The following USP43 variants were observed in gnomAD, a reference collection of about 807,000 sequenced individuals.
The protein encoded by USP43 is ubiquitin specific peptidase 43.
A neutral mutation model predicts 90.7 loss-of-function variants in USP43; 33 were observed. The observed-to-expected ratio is 0.36, with a 90% CI of 0.28 to 0.49. The LOEUF (loss-of-function observed/expected upper bound fraction) is 0.49. USP43 is among the 20% of genes least tolerant of loss of function. The pLI is 0.98. For missense variants in USP43, 1,274 were observed against 1,476.4 expected (o/e 0.86, Z 2.25); for synonymous variants, 598 against 615.8 (o/e 0.97, Z 0.43).
At chr17:9,703,392 C>T (rs1380622342) in intron 12 of USP43, among the ~76,000 whole-genome samples, 1 of 152,178 alleles carries the variant, frequency 6.6e-6, no homozygotes, top group Non-Finnish European at 1.5e-5. Flanking sequence ...GCGTGAGAAG[C>T]GTTGGCATCT....
chr17:9,716,037 A>G (rs76285421), intron 14 of USP43, among the ~76,000 whole-genome samples: 25,588 of 148,560 alleles, frequency 0.17, 4,046 homozygotes, highest in African/African-American at 0.43. Flanking sequence ...GTATGTGAGA[A>G]TGTGTTTGTG....
intron 13 of USP43, among the ~76,000 whole-genome samples, chr17:9,710,850 G>A (rs912900979): frequency 1.3e-5 from 2 of 151,852 alleles, no homozygotes; most frequent in Non-Finnish European, 2.9e-5. Flanking sequence ...GAGAAAGAAA[G>A]TGCCAAAGCT....
intron 12 of USP43, among the ~76,000 whole-genome samples, chr17:9,704,563 T>A (rs765234046): frequency 6.6e-6 from 1 of 152,156 alleles, no homozygotes; most frequent in African/African-American, 2.4e-5. Context: ...ATGATCTGCC[T>A]TCCTCGGCCT....
chr17:9,675,635 C>G (rs1913719827), intron 4 of USP43, among the ~76,000 whole-genome samples: 1 of 152,080 alleles, frequency 6.6e-6, no homozygotes, highest in Non-Finnish European at 1.5e-5. Flanking sequence ...CCTTAAGTGC[C>G]ATTTCTCTTA....
intron 3 of USP43, among the ~76,000 whole-genome samples, chr17:9,667,584 C>T (rs1473274242): frequency 2.0e-5 from 3 of 152,068 alleles, no homozygotes; most frequent in Admixed American, 2.0e-4. Flanking sequence ...GGAGAAAACC[C>T]CATGGACTTC....
chr17:9,647,405 G>A (rs540602610), intron 1 of USP43: 100 of 152,304 alleles, frequency 6.6e-4, no homozygotes, highest in African/African-American at 2.3e-3. Flanking sequence ...TAGTGGTTAA[G>A]AGCAAGGTCT....
At chr17:9,724,557 G>A (rs1917154896) in intron 14 of USP43, among the ~76,000 whole-genome samples, 1 of 152,162 alleles carries the variant, frequency 6.6e-6, no homozygotes, top group Non-Finnish European at 1.5e-5. Context: ...GTGGACGCCT[G>A]TAATCCCAGC....
intron 5 of USP43, among the ~76,000 whole-genome samples, chr17:9,678,475 G>A (rs1913934198): frequency 6.6e-6 from 1 of 152,102 alleles, no homozygotes; most frequent in African/African-American, 2.4e-5. Context: ...TCCTGCCTCA[G>A]CCTCCTGAGT....
chr17:9,712,246 C>T (rs1916245080), intron 14 of USP43, 114 bp downstream of exon 14: 13 of 1,278,190 alleles, frequency 1.0e-5, no homozygotes, highest in Admixed American at 3.4e-5. Flanking sequence ...TCCATCATTA[C>T]GAGAGGTTTG....
rs534758213 is a variant in USP43, at chr17:9,676,678, C to T, written c.834-68C>T. 17 of 1,543,024 alleles carry T rather than the reference C, an allele frequency of 1.1e-5. No individual in the cohort carries two copies. The South Asian group carries it at 2.1e-4, about 19-fold the overall frequency. Reference sequence around the variant, plus strand: ...TGAGCCACTGCGCCTGGCCTTGATCCATTATCAACAATGTCATTCACAGTT... The same window carrying T: ...TGAGCCACTGCGCCTGGCCTTGATCTATTATCAACAATGTCATTCACAGTT... On this transcript the variant is annotated intron_variant, in intron 4 of 14. Coordinates refer to ENST00000285199, the MANE Select transcript of USP43 (RefSeq NM_153210.5).
At chr17:9,658,554 A>G (rs1276155069) in intron 2 of USP43, among the ~76,000 whole-genome samples, 2 of 152,218 alleles carry the variant, frequency 1.3e-5, no homozygotes, top group Non-Finnish European at 2.9e-5. Flanking sequence ...AATGAAACGA[A>G]GCAAACAATC....
At chr17:9,716,845 C>T (rs1038037984) in intron 14 of USP43, among the ~76,000 whole-genome samples, 3 of 152,142 alleles carry the variant, frequency 2.0e-5, no homozygotes, top group African/African-American at 7.2e-5. Context: ...ATTAAAATTT[C>T]TTACATTGAG....
intron 14 of USP43, among the ~76,000 whole-genome samples, chr17:9,712,771 G>A (rs927626174): frequency 1.1e-4 from 15 of 141,662 alleles, no homozygotes; most frequent in Non-Finnish European, 1.9e-4. Flanking sequence ...AGTGGATAGC[G>A]AGTGGAGAGG....
At chr17:9,715,965 G>A (rs1916536336) in intron 14 of USP43, among the ~76,000 whole-genome samples, 1 of 150,982 alleles carries the variant, frequency 6.6e-6, no homozygotes, top group Non-Finnish European at 1.5e-5. Flanking sequence ...ATGTATCTGT[G>A]TATATGTGTG....
chr17:9,700,920 C>A lies in USP43; in HGVS notation c.1536-199C>A, dbSNP rs549858897. Reference sequence around the variant, plus strand: ...AAGCCAAGGACCTGCCCTGTAGGAGCTGGTGGGGGAGAGAGAATTCCAGTA... The same window carrying A: ...AAGCCAAGGACCTGCCCTGTAGGAGATGGTGGGGGAGAGAGAATTCCAGTA... On this transcript the variant is annotated intron_variant, in intron 10 of 14. Coordinates refer to ENST00000285199, the MANE Select transcript of USP43 (RefSeq NM_153210.5). Among the ~76,000 whole-genome samples, 12 of 152,294 alleles carry A rather than the reference C, an allele frequency of 7.9e-5. No individual in the cohort carries two copies. In the Middle Eastern group the frequency reaches 0.01, roughly 130 times the overall value.
chr17:9,666,524 G>A, intron 2 of USP43, 124 bp from the exon 3 acceptor site: 1 of 729,076 alleles, frequency 1.4e-6, no homozygotes, highest in South Asian at 1.6e-5. Context: ...TGAAGGTTGA[G>A]ACTCTACAGA....
chr17:9,649,167 C>T (rs1597807706), intron 1 of USP43, among the ~76,000 whole-genome samples: 1 of 151,908 alleles, frequency 6.6e-6, no homozygotes, highest in Non-Finnish European at 1.5e-5. Flanking sequence ...ATTAGCCGGG[C>T]GTGGTGGCGT....
At chr17:9,697,131 C>T (rs908454482) in intron 9 of USP43, among the ~76,000 whole-genome samples, 5 of 152,230 alleles carry the variant, frequency 3.3e-5, no homozygotes, top group South Asian at 2.1e-4. Context: ...GCAGGAGAAT[C>T]GCTTGAACCC....
chr17:9,682,222 T>C (rs1914335488), intron 6 of USP43, among the ~76,000 whole-genome samples: 2 of 152,196 alleles, frequency 1.3e-5, no homozygotes, highest in Non-Finnish European at 2.9e-5. Context: ...TTTTGGAGTA[T>C]TTTTCAGGTG....
Sources: gnomAD v4.1 joint callset for allele counts (sites outside exome capture counted in the v4.1 genomes callset) on GRCh38, gnomAD v4.1.1 for gene constraint, MANE v1.5 for transcripts, NCBI Gene and HGNC (gene_info 2026-07-23, HGNC 2026-07-21) for gene names.